The following EDIL3 variants were observed in gnomAD, a reference collection of about 807,000 sequenced individuals.
EDIL3 encodes the protein EGF-like repeat and discoidin I-like domain-containing protein 3.
EDIL3 carries 37 observed loss-of-function variants against 67.4 expected under a neutral mutation model. The observed-to-expected ratio is 0.55, with a 90% CI of 0.42 to 0.72. The LOEUF (loss-of-function observed/expected upper bound fraction) is 0.72. Ranked by LOEUF, EDIL3 falls within the 30% of genes least tolerant of loss-of-function variation. The pLI, the probability that EDIL3 is intolerant of heterozygous loss-of-function variation, is 0.00. For missense variants in EDIL3, 527 were observed against 586.3 expected (o/e 0.90, Z 1.04); for synonymous variants, 195 against 196.3 (o/e 0.99, Z 0.05).
chr5:84,253,576 T>A (rs564996754), intron 2 of EDIL3, among the ~76,000 whole-genome samples: 4 of 152,286 alleles, frequency 2.6e-5, no homozygotes, highest in African/African-American at 9.6e-5. Context: ...AGCAAATTTT[T>A]TAGAAAACTT....
intron 4 of EDIL3, among the ~76,000 whole-genome samples, chr5:84,155,787 T>C (rs1748480279): frequency 6.6e-6 from 1 of 152,178 alleles, no homozygotes; most frequent in African/African-American, 2.4e-5. Context: ...CTAATTAAGA[T>C]GTTTAAAAAG....
chr5:84,232,174 A>G (rs182069088), intron 2 of EDIL3, among the ~76,000 whole-genome samples: 3 of 152,336 alleles, frequency 2.0e-5, no homozygotes, highest in Admixed American at 1.3e-4. Context: ...GGTACTATTT[A>G]AAGTGTTGGG....
At chr5:84,072,591 C>A (rs560462832) in intron 6 of EDIL3, among the ~76,000 whole-genome samples, 1 of 152,194 alleles carries the variant, frequency 6.6e-6, no homozygotes, top group Admixed American at 6.5e-5. Context: ...AAACACACAT[C>A]CTCTTTAACT....
intron 9 of EDIL3, among the ~76,000 whole-genome samples, chr5:84,052,450 CACAT>C (rs1746358570): frequency 7.4e-6 from 1 of 135,668 alleles, no homozygotes; most frequent in Non-Finnish European, 1.6e-5. Flanking sequence ...ATCAAATTCA[CACAT>C]ACAATATTAA....
chr5:84,056,700 A>T (rs1021702780), intron 9 of EDIL3, among the ~76,000 whole-genome samples: 14 of 152,150 alleles, frequency 9.2e-5, no homozygotes, highest in Admixed American at 3.3e-4. Context: ...GACATTTTTT[A>T]AAAAAATAGC....
At chr5:84,331,507 G>T (rs1746870940) in intron 1 of EDIL3, among the ~76,000 whole-genome samples, 1 of 152,118 alleles carries the variant, frequency 6.6e-6, no homozygotes, top group African/African-American at 2.4e-5. Context: ...CCCTGCCTTT[G>T]CTCTGCACTT....
At chr5:83,989,183 TC>T (rs1554062262) in intron 9 of EDIL3, among the ~76,000 whole-genome samples, 1 of 152,102 alleles carries the variant, frequency 6.6e-6, no homozygotes, top group Non-Finnish European at 1.5e-5. Context: ...AAAATATAAT[TC>T]CTGCTTCATT....
In EDIL3 at chr5:84,208,664, C is replaced by T. The variant is rs1436331815; in HGVS notation, c.226+21191G>A. Among the ~76,000 whole-genome samples, 12 of 108,594 alleles carry T rather than the reference C, an allele frequency of 1.1e-4. No individual in the cohort carries two copies. The South Asian group carries it at 1.6e-3, about 15-fold the overall frequency. The allele number at this position is 108,594 out of a possible 152,430, so 71.2% of individuals were successfully genotyped here. ...ACTGCAGTCCGCAGTCCGGCCTGGG[C>T]AACAGAGCGAGACTCCGTCTCAAAA... On this transcript the variant is annotated intron_variant, in intron 3 of 10. Coordinates refer to ENST00000296591, the MANE Select transcript of EDIL3 (RefSeq NM_005711.5).
At chr5:83,969,906 C>A (rs997122973) in intron 9 of EDIL3, among the ~76,000 whole-genome samples, 1 of 151,606 alleles carries the variant, frequency 6.6e-6, no homozygotes, top group Non-Finnish European at 1.5e-5. Flanking sequence ...TGTTCAGAAT[C>A]CTCCTTGTAA....
chr5:84,236,975 A>G (rs1053567339), intron 2 of EDIL3, among the ~76,000 whole-genome samples: 6 of 152,188 alleles, frequency 3.9e-5, no homozygotes, highest in Middle Eastern at 3.4e-3. Context: ...CAGGAAAGAG[A>G]GAATCATTAA....
At chr5:83,987,945 T>C (rs561834304) in intron 9 of EDIL3, among the ~76,000 whole-genome samples, 2 of 151,406 alleles carry the variant, frequency 1.3e-5, no homozygotes, top group South Asian at 4.2e-4. Context: ...TATCAATCAA[T>C]GTCTACTAGA....
chr5:83,944,568 G>A (rs924311645), intron 10 of EDIL3, among the ~76,000 whole-genome samples: 8 of 150,400 alleles, frequency 5.3e-5, no homozygotes, highest in African/African-American at 2.0e-4. Context: ...GGTAAACTGA[G>A]GTATTTATAT....
chr5:84,244,587 C>A (rs1309483561), intron 2 of EDIL3, among the ~76,000 whole-genome samples: 1 of 151,982 alleles, frequency 6.6e-6, no homozygotes, highest in Admixed American at 6.6e-5. Context: ...CTGCTCCAGG[C>A]CAAAACATTT....
chr5:84,179,775 G>A (rs1055723671), intron 4 of EDIL3, among the ~76,000 whole-genome samples: 17 of 152,078 alleles, frequency 1.1e-4, no homozygotes, highest in African/African-American at 4.1e-4. Context: ...AACACCTACA[G>A]TGCTAAGGCA....
chr5:84,029,912 G>A (rs1326288100), intron 9 of EDIL3, among the ~76,000 whole-genome samples: 1 of 152,162 alleles, frequency 6.6e-6, no homozygotes. Context: ...TATTTCAAAT[G>A]CAAGTACAAG....
At chr5:84,150,671 C>T (rs1561446378) in intron 4 of EDIL3, among the ~76,000 whole-genome samples, 1 of 152,114 alleles carries the variant, frequency 6.6e-6, no homozygotes, top group Non-Finnish European at 1.5e-5. Context: ...TCATACACTG[C>T]TGTTCTGATA....
At chr5:84,275,856 G>A (rs1264644454) in intron 1 of EDIL3, among the ~76,000 whole-genome samples, 1 of 152,198 alleles carries the variant, frequency 6.6e-6, no homozygotes, top group Non-Finnish European at 1.5e-5. Context: ...TAGGTAAAAT[G>A]CAAAAGTAAT....
intron 10 of EDIL3, among the ~76,000 whole-genome samples, chr5:83,958,854 G>A (rs1408145296): frequency 1.3e-5 from 2 of 151,318 alleles, no homozygotes; most frequent in African/African-American, 4.8e-5. Context: ...AGGAACATTT[G>A]ACTTTCAAAT....
chr5:83,960,399 A>G (rs996003736), intron 10 of EDIL3, among the ~76,000 whole-genome samples: 1 of 151,048 alleles, frequency 6.6e-6, no homozygotes, highest in African/African-American at 2.4e-5. Flanking sequence ...CTTAACAATA[A>G]TATTTATTTT....
Sources: gnomAD v4.1 joint callset for allele counts (sites outside exome capture counted in the v4.1 genomes callset) on GRCh38, gnomAD v4.1.1 for gene constraint, MANE v1.5 for transcripts, NCBI Gene and HGNC (gene_info 2026-07-23, HGNC 2026-07-21) for gene names.